The following ZFAND3 variants were observed in gnomAD, a reference collection of about 807,000 sequenced individuals.
The protein encoded by ZFAND3 is AN1-type zinc finger protein 3.
A neutral mutation model predicts 29.6 loss-of-function variants in ZFAND3; 10 were observed. The observed-to-expected ratio is 0.34, with a 90% confidence interval of 0.21 to 0.57. The LOEUF (loss-of-function observed/expected upper bound fraction) is 0.57, where lower values mean the gene tolerates loss of function less well. Ranked by LOEUF, ZFAND3 falls within the 20% of genes least tolerant of loss-of-function variation. ZFAND3 has a pLI of 0.86. For synonymous variants in ZFAND3, 128 were observed against 112.6 expected (o/e 1.14, Z -0.87); for missense variants, 230 against 304.5 (o/e 0.76, Z 1.82).
At chr6:37,987,198 A>C (rs1374033336) in intron 2 of ZFAND3, among the ~76,000 whole-genome samples, 1 of 152,184 alleles carries the variant, frequency 6.6e-6, no homozygotes, top group African/African-American at 2.4e-5. Flanking sequence ...TGGCCAGTGG[A>C]ACTCTCAGCA....
At chr6:37,830,281 G>C (rs1561903095) in intron 1 of ZFAND3, among the ~76,000 whole-genome samples, 1 of 152,224 alleles carries the variant, frequency 6.6e-6, no homozygotes, top group Non-Finnish European at 1.5e-5. Flanking sequence ...GGGACACACA[G>C]AGGAAAGTAG....
chr6:37,899,617 T>A (rs1765282477), intron 1 of ZFAND3, among the ~76,000 whole-genome samples: 1 of 152,208 alleles, frequency 6.6e-6, no homozygotes, highest in African/African-American at 2.4e-5. Flanking sequence ...ACTGTTTAAA[T>A]AGGATTGATC....
At chr6:38,132,250 A>G (rs1765756632) in intron 5 of ZFAND3, among the ~76,000 whole-genome samples, 1 of 152,166 alleles carries the variant, frequency 6.6e-6, no homozygotes, top group South Asian at 2.1e-4. Context: ...GGTGGCTCAC[A>G]CCTGTAATCC....
chr6:38,124,149 G>T (rs925561460), intron 5 of ZFAND3, among the ~76,000 whole-genome samples: 1 of 152,164 alleles, frequency 6.6e-6, no homozygotes, highest in African/African-American at 2.4e-5. Flanking sequence ...GTGCTGATTG[G>T]TGTATTTACA....
intron 1 of ZFAND3, among the ~76,000 whole-genome samples, chr6:37,893,229 A>G (rs1765135652): frequency 6.6e-6 from 1 of 152,248 alleles, no homozygotes; most frequent in Admixed American, 6.5e-5. Flanking sequence ...ATGCATAAAA[A>G]GAATTGTATC....
intron 5 of ZFAND3, among the ~76,000 whole-genome samples, chr6:38,144,211 A>ATATATATATTATATATAT (rs70981524): frequency 2.2e-5 from 1 of 45,852 alleles, no homozygotes; most frequent in Non-Finnish European, 3.9e-5. Flanking sequence ...ATATATATAT[A>ATATATATATTATATATAT]ATATATAATA....
intron 1 of ZFAND3, among the ~76,000 whole-genome samples, chr6:37,864,268 C>T (rs2127385130): frequency 1.3e-5 from 2 of 152,240 alleles, no homozygotes; most frequent in Middle Eastern, 6.8e-3. Flanking sequence ...GAGACTGATG[C>T]ATCATGCCTT....
chr6:37,927,561 C>T (rs532657177), intron 1 of ZFAND3, among the ~76,000 whole-genome samples: 6 of 152,282 alleles, frequency 3.9e-5, no homozygotes, highest in East Asian at 1.9e-4. Flanking sequence ...GATGGAGAGG[C>T]GCCTCTAGTT....
At chr6:38,080,383 T>C (rs752907834) in intron 3 of ZFAND3, among the ~76,000 whole-genome samples, 4 of 152,164 alleles carry the variant, frequency 2.6e-5, no homozygotes, top group Non-Finnish European at 5.9e-5. Context: ...ATGAACGTTA[T>C]TAAGCATTCA....
chr6:37,851,939 A>G (rs1388193580), intron 1 of ZFAND3, among the ~76,000 whole-genome samples: 1 of 152,256 alleles, frequency 6.6e-6, no homozygotes, highest in African/African-American at 2.4e-5. Context: ...CAGAAACAAT[A>G]GCTGATACAT....
At chr6:37,911,290 T>G (rs1216319526) in intron 1 of ZFAND3, among the ~76,000 whole-genome samples, 1 of 152,216 alleles carries the variant, frequency 6.6e-6, no homozygotes, top group Non-Finnish European at 1.5e-5. Context: ...CTCTGGTGAT[T>G]ATTAATGTTG....
At chr6:37,968,887 A>G (rs752577761) in intron 2 of ZFAND3, among the ~76,000 whole-genome samples, 1 of 152,184 alleles carries the variant, frequency 6.6e-6, no homozygotes, top group Non-Finnish European at 1.5e-5. Flanking sequence ...GAACATTATG[A>G]AGTCCTACCC....
chr6:37,914,691 C>A (rs531149862), intron 1 of ZFAND3, among the ~76,000 whole-genome samples: 6 of 28,542 alleles, frequency 2.1e-4, no homozygotes, highest in African/African-American at 8.3e-4. Flanking sequence ...TTAGTGGAGA[C>A]GGGGTTTCGC....
In ZFAND3 at chr6:37,893,849, C is replaced by T. The variant is rs188549742; in HGVS notation, c.72-36110C>T. On this transcript the variant is annotated intron_variant, in intron 1 of 5. Coordinates refer to ENST00000287218, the MANE Select transcript of ZFAND3 (RefSeq NM_021943.3). ...GATTACAGGGGTGAGCCACCGCGCC[C>T]GGCCCAGGACCTTTGTTTCTATCTC... Among the ~76,000 whole-genome samples the T allele has an allele frequency of 1.1e-3, 141 of 130,300 alleles. 1 individual carries two copies. Among genetic ancestry groups the T allele is most frequent in the Middle Eastern group, 3.6e-3 (1 of 278 alleles). The allele number at this position is 130,300 out of a possible 152,430, so 85.5% of individuals were successfully genotyped here. A position where few individuals can be genotyped will look rare whatever the true frequency, so the allele number is the denominator to read the frequency against.
chr6:38,154,383 G>A lies in ZFAND3; in HGVS notation c.*1994G>A, dbSNP rs982068935. ...TTCCTGACTTAGAGCTGGGGGGGGT[G>A]GGGGGTGGGGCTTGTTCCCCTGCAG... On this transcript the variant is annotated 3_prime_UTR_variant, in exon 6 of 6. Coordinates refer to ENST00000287218, the MANE Select transcript of ZFAND3 (RefSeq NM_021943.3). 6 of 597,206 alleles carry A rather than the reference G, an allele frequency of 1.0e-5. No individual in the cohort carries two copies. Among genetic ancestry groups the A allele is most frequent in the African/African-American group, 6.2e-5 (3 of 48,162 alleles). The allele number at this position is 597,206 out of a possible 1,614,324, so 37.0% of individuals were successfully genotyped here.
chr6:37,967,061 CCTCT>C (rs1762305596), intron 2 of ZFAND3, among the ~76,000 whole-genome samples: 2 of 152,246 alleles, frequency 1.3e-5, no homozygotes, highest in East Asian at 1.9e-4. Flanking sequence ...CTAATGATGA[CCTCT>C]CTAACTGCTT....
At chr6:37,957,070 G>T (rs1762096711) in intron 2 of ZFAND3, among the ~76,000 whole-genome samples, 1 of 152,090 alleles carries the variant, frequency 6.6e-6, no homozygotes, top group South Asian at 2.1e-4. Context: ...CTGACTTCCT[G>T]GTCACTTGTT....
chr6:37,957,172 TC>T (rs752749507), intron 2 of ZFAND3, among the ~76,000 whole-genome samples: 1 of 152,112 alleles, frequency 6.6e-6, no homozygotes, highest in African/African-American at 2.4e-5. Context: ...TTAAGCAAGT[TC>T]CCCCCCTTTC....
rs948684899 is a variant in ZFAND3, at chr6:38,061,492, A to T, written c.113-101A>T. ...TTAGTCACCCAGATCAGTCTTTATTATTGGTGTTGTTGCATTTAATTTTTG... is the reference window on the plus strand; with the variant it reads ...TTAGTCACCCAGATCAGTCTTTATTTTTGGTGTTGTTGCATTTAATTTTTG... On this transcript the variant is annotated intron_variant, in intron 2 of 5. Transcript: ENST00000287218. 4 of 1,376,006 alleles carry T rather than the reference A, an allele frequency of 2.9e-6. No homozygotes were observed. The African/African-American group carries it at 4.4e-5, about 15-fold the overall frequency. 85.2% of individuals were successfully genotyped at this position (1,376,006 alleles called of 1,614,324 possible). A position where few individuals can be genotyped will look rare whatever the true frequency, so the allele number is the denominator to read the frequency against.
Sources: allele counts gnomAD v4.1 joint callset (sites outside exome capture counted in the v4.1 genomes callset), GRCh38; gene constraint gnomAD v4.1.1; transcripts MANE v1.5; gene names NCBI Gene and HGNC (gene_info 2026-07-23, HGNC 2026-07-21).